Variants in EDIL3 observed in about 807,000 individuals in gnomAD.
EDIL3 encodes EGF like and discoidin domains 3.
A neutral mutation model predicts 67.4 loss-of-function variants in EDIL3; 37 were observed. That is an observed-to-expected ratio of 0.55 (90% CI 0.42 to 0.72). The LOEUF is 0.72. EDIL3 is among the 30% of genes least tolerant of loss of function. EDIL3 has a pLI of 0.00. For missense variants in EDIL3, 527 were observed against 586.3 expected (o/e 0.90, Z 1.04); for synonymous variants, 195 against 196.3 (o/e 0.99, Z 0.05).
chr5:84,195,159 G>A (rs1041387649), intron 3 of EDIL3, among the ~76,000 whole-genome samples: 5 of 151,892 alleles, frequency 3.3e-5, no homozygotes, highest in Non-Finnish European at 7.4e-5. Context: ...GACACCTTCA[G>A]TTATTTCTTT....
chr5:84,356,889 CTTTTTTTTTTTTTT>C lies in EDIL3; in HGVS notation c.67+27405_67+27418del, dbSNP rs1189590387. Reference sequence around the variant, plus strand: ...GACCTTGAGAAAACAATCTTTCTTTCTTTTTTTTTTTTTTTTTTTTTTTTTTGGTCTCTCTCTCT... The same window carrying C: ...GACCTTGAGAAAACAATCTTTCTTTCTTTTTTTTTTTTGGTCTCTCTCTCT... On this transcript the variant is annotated intron_variant, in intron 1 of 10. Coordinates refer to ENST00000296591, the MANE Select transcript of EDIL3 (RefSeq NM_005711.5). 7.5e-4 allele frequency among the ~76,000 whole-genome samples: 24 copies of C among 32,098 alleles called. 1 individual carries two copies. Among genetic ancestry groups the C allele is most frequent in the East Asian group, 4.4e-3 (6 of 1,350 alleles). The allele number at this position is 32,098 out of a possible 152,430, so 21.1% of individuals were successfully genotyped here.
chr5:84,006,497 C>T (rs970433364), intron 9 of EDIL3, among the ~76,000 whole-genome samples: 1 of 152,086 alleles, frequency 6.6e-6, no homozygotes, highest in African/African-American at 2.4e-5. Flanking sequence ...TGTATGTTCC[C>T]ACTTGTAAGT....
chr5:84,063,576 T>C (rs1387895062), intron 8 of EDIL3, among the ~76,000 whole-genome samples: 1 of 152,162 alleles, frequency 6.6e-6, no homozygotes, highest in African/African-American at 2.4e-5. Flanking sequence ...AAAAATTGGC[T>C]ATTTAATAGT....
intron 9 of EDIL3, among the ~76,000 whole-genome samples, chr5:84,026,798 T>G (rs1055842514): frequency 5.3e-5 from 8 of 152,184 alleles, no homozygotes; most frequent in Non-Finnish European, 1.2e-4. Context: ...TTATCTTCAT[T>G]AGGCTCAAAA....
chr5:84,255,314 G>A (rs764772031), intron 1 of EDIL3, among the ~76,000 whole-genome samples: 2 of 152,130 alleles, frequency 1.3e-5, no homozygotes, highest in Non-Finnish European at 2.9e-5. Flanking sequence ...AATAATTCAG[G>A]TGGAGCCTGA....
At position 83,940,834 on chromosome 5, in the gene EDIL3, G is replaced by A. The variant is rs1303796637; in HGVS notation, c.*2585C>T. 1 of 151,954 alleles carries A rather than the reference G, an allele frequency of 6.6e-6. No homozygotes were observed. Among genetic ancestry groups the A allele is most frequent in the Admixed American group, 6.6e-5 (1 of 15,240 alleles). The allele number at this position is 151,954 out of a possible 1,614,324, so 9.4% of individuals were successfully genotyped here. On this transcript the variant is annotated 3_prime_UTR_variant, in exon 11 of 11. Coordinates refer to ENST00000296591, the MANE Select transcript of EDIL3 (RefSeq NM_005711.5). ...AAAGATACAATCATTAGTAACCCAA[G>A]TCTTCAAAATTCACACCAAACTTTA...
intron 9 of EDIL3, among the ~76,000 whole-genome samples, chr5:84,023,094 G>T (rs1745747954): frequency 6.6e-6 from 1 of 151,952 alleles, no homozygotes; most frequent in Non-Finnish European, 1.5e-5. Flanking sequence ...GTCTAAAGAA[G>T]TGTCTGACAC....
In EDIL3 at chr5:83,942,206, T is replaced by A. The variant is rs985729155; in HGVS notation, c.*1213A>T. 6.6e-6 allele frequency: 1 copy of A among 152,060 alleles called. No homozygotes were observed. The highest frequency in any genetic ancestry group is 1.5e-5 in the Non-Finnish European group (1 of 67,940). 9.4% of individuals were successfully genotyped at this position (152,060 alleles called of 1,614,324 possible). On this transcript the variant is annotated 3_prime_UTR_variant, in exon 11 of 11. Transcript: ENST00000296591. ...ATAACAAATTGTTATGATAATTGCT[T>A]ATTTTTTCAGGACCTTTGAAGCAAA...
Position 83,946,086 on chromosome 5 carries a change from G to A in EDIL3, c.1294-2518C>T, listed in dbSNP as rs575523489. Among the ~76,000 whole-genome samples the A allele has an allele frequency of 2.0e-5, 3 of 151,996 alleles. No individual in the cohort carries two copies. In the South Asian group the frequency reaches 6.2e-4, roughly 32 times the overall value. ...AAGGAATGCAAACACAGTATTTTTAGTTAACTTCATAAAATCTCTAAGATT... is the reference window on the plus strand; with the variant it reads ...AAGGAATGCAAACACAGTATTTTTAATTAACTTCATAAAATCTCTAAGATT... On this transcript the variant is annotated intron_variant, in intron 10 of 10. Coordinates refer to ENST00000296591, the MANE Select transcript of EDIL3 (RefSeq NM_005711.5).
Position 84,008,490 on chromosome 5 carries a change from CA to C in EDIL3, c.1138-45131del, listed in dbSNP as rs140891141. On this transcript the variant is annotated intron_variant, in intron 9 of 10. Transcript: ENST00000296591. ...GATTACATCACCCAGGGAGAGCATTCAATTTGAATGGAAAAATAAGATGGAA... is the reference window on the plus strand; with the variant it reads ...GATTACATCACCCAGGGAGAGCATTCATTTGAATGGAAAAATAAGATGGAA... Among the ~76,000 whole-genome samples, 1,139 of 151,982 alleles carry C rather than the reference CA, an allele frequency of 7.5e-3. 20 individuals are homozygous for C. The highest frequency in any genetic ancestry group is 0.025 in the African/African-American group (1,034 of 41,474).
intron 9 of EDIL3, among the ~76,000 whole-genome samples, chr5:83,970,643 GTATATATA>G (rs70975530): frequency 0.16 from 18,622 of 115,896 alleles, 1,678 homozygotes; most frequent in Middle Eastern, 0.26. Flanking sequence ...TAGGATCACA[GTATATATA>G]TATATATATA....
At chr5:84,230,282 C>A (rs1389749338) in intron 2 of EDIL3, among the ~76,000 whole-genome samples, 2 of 152,028 alleles carry the variant, frequency 1.3e-5, no homozygotes, top group African/African-American at 2.4e-5. Context: ...ACCCCACCAT[C>A]AATTTTCTAT....
chr5:84,164,431 A>G (rs1173869500), intron 4 of EDIL3, among the ~76,000 whole-genome samples: 1 of 152,100 alleles, frequency 6.6e-6, no homozygotes, highest in Non-Finnish European at 1.5e-5. Context: ...CATTCAATAA[A>G]TATTTATAGT....
chr5:84,074,786 T>G (rs529373155), intron 6 of EDIL3, among the ~76,000 whole-genome samples: 1 of 152,226 alleles, frequency 6.6e-6, no homozygotes. Context: ...TGGAAGTCAG[T>G]GTGGCGATTC....
intron 1 of EDIL3, among the ~76,000 whole-genome samples, chr5:84,322,222 A>G (rs1384427886): frequency 3.3e-5 from 5 of 151,950 alleles, no homozygotes; most frequent in African/African-American, 1.2e-4. Flanking sequence ...AAAAAGAAAA[A>G]AGCAACAATA....
At chr5:84,253,827 T>C (rs1745077003) in intron 2 of EDIL3, among the ~76,000 whole-genome samples, 1 of 151,738 alleles carries the variant, frequency 6.6e-6, no homozygotes. Flanking sequence ...ATATAAGAAA[T>C]GTTATATTTA....
intron 5 of EDIL3, among the ~76,000 whole-genome samples, chr5:84,127,521 A>T (rs1410232073): frequency 6.6e-6 from 1 of 152,054 alleles, no homozygotes; most frequent in African/African-American, 2.4e-5. Flanking sequence ...TTTTCTACTC[A>T]GCATCTGCTC....
intron 3 of EDIL3, among the ~76,000 whole-genome samples, chr5:84,199,104 A>T (rs568670531): frequency 6.6e-6 from 1 of 152,132 alleles, no homozygotes; most frequent in East Asian, 1.9e-4. Context: ...TAAGAAAGAA[A>T]TGTACAGCCA....
intron 9 of EDIL3, among the ~76,000 whole-genome samples, chr5:83,976,118 T>C (rs1019448): frequency 0.12 from 17,614 of 151,822 alleles, 1,837 homozygotes; most frequent in African/African-American, 0.28. Flanking sequence ...CACACACATA[T>C]ATATTTATAC....
Sources: gnomAD v4.1 joint callset for allele counts (sites outside exome capture counted in the v4.1 genomes callset) on GRCh38, gnomAD v4.1.1 for gene constraint, MANE v1.5 for transcripts, NCBI Gene and HGNC (gene_info 2026-07-23, HGNC 2026-07-21) for gene names.